Variants in TENM3 observed in about 807,000 individuals in gnomAD.
TENM3 encodes teneurin-3.
TENM3 carries 63 observed loss-of-function variants against 255.1 expected under a neutral mutation model. The observed-to-expected ratio is 0.25, with a 90% CI of 0.20 to 0.30. The LOEUF is 0.30. Among genes scored for constraint, TENM3 ranks in the 10% least tolerant of loss-of-function variants. The pLI, the probability that TENM3 is intolerant of heterozygous loss-of-function variation, is 1.00. For synonymous variants in TENM3, 1,306 were observed against 1,322.3 expected (o/e 0.99, Z 0.27); for missense variants, 2,929 against 3,461.1 (o/e 0.85, Z 3.86).
At chr4:181,888,492 G>GTGTATA in the TENM3 span, among the ~76,000 whole-genome samples, 3 of 15,798 alleles carry the variant, frequency 1.9e-4, no homozygotes, top group African/African-American at 5.8e-4. Flanking sequence ...CAATAGAAAT[G>GTGTATA]TGTATATATA....
At chr4:182,092,364 C>A in the TENM3 span, among the ~76,000 whole-genome samples, 2 of 151,376 alleles carry the variant, frequency 1.3e-5, no homozygotes, top group East Asian at 3.9e-4. Flanking sequence ...AAACAAACTA[C>A]AGGGCAGGCA....
At chr4:182,210,867 G>A (rs1467134940) in intron 1 of TENM3, among the ~76,000 whole-genome samples, 2 of 152,178 alleles carry the variant, frequency 1.3e-5, no homozygotes, top group Non-Finnish European at 2.9e-5. Context: ...GTAGACCGGT[G>A]TGTATCACAG....
chr4:181,543,661 T>C, the TENM3 span, among the ~76,000 whole-genome samples: 4,921 of 152,236 alleles, frequency 0.032, 196 homozygotes, highest in African/African-American at 0.093. Flanking sequence ...ATCCAACACT[T>C]AGGTGAGTAT....
intron 3 of TENM3, among the ~76,000 whole-genome samples, chr4:182,382,310 AT>A (rs1189920794): frequency 6.6e-6 from 1 of 151,850 alleles, no homozygotes; most frequent in Non-Finnish European, 1.5e-5. Context: ...ATTAAACTAG[AT>A]GGCTGATTCA....
At chr4:181,991,004 G>A in the TENM3 span, among the ~76,000 whole-genome samples, 1 of 152,106 alleles carries the variant, frequency 6.6e-6, no homozygotes, top group Admixed American at 6.6e-5. Context: ...AGGATATTCA[G>A]CAAATTTTAA....
At chr4:182,791,978 A>C (rs1377345338) in intron 25 of TENM3, among the ~76,000 whole-genome samples, 1 of 152,190 alleles carries the variant, frequency 6.6e-6, no homozygotes, top group African/African-American at 2.4e-5. Flanking sequence ...TATTATGACT[A>C]ATCCAGATCC....
At chr4:181,454,459 T>G in the TENM3 span, among the ~76,000 whole-genome samples, 1 of 152,146 alleles carries the variant, frequency 6.6e-6, no homozygotes, top group Non-Finnish European at 1.5e-5. Flanking sequence ...GTAGCCTAAG[T>G]GTACAATGTT....
At chr4:181,809,749 G>A in the TENM3 span, among the ~76,000 whole-genome samples, 15 of 152,180 alleles carry the variant, frequency 9.9e-5, no homozygotes, top group Admixed American at 1.3e-4. Flanking sequence ...TTATCTGGGC[G>A]GCCCACTGTA....
chr4:182,132,488 T>C, the TENM3 span, among the ~76,000 whole-genome samples: 1 of 151,100 alleles, frequency 6.6e-6, no homozygotes, highest in Non-Finnish European at 1.5e-5. Flanking sequence ...AGAATCTGTC[T>C]CAAAAAAAAA....
At chr4:181,862,418 T>A in the TENM3 span, among the ~76,000 whole-genome samples, 1 of 152,120 alleles carries the variant, frequency 6.6e-6, no homozygotes, top group African/African-American at 2.4e-5. Flanking sequence ...TAAAATATAT[T>A]TTCAATTTCC....
At chr4:181,606,930 C>A in the TENM3 span, among the ~76,000 whole-genome samples, 7 of 152,234 alleles carry the variant, frequency 4.6e-5, no homozygotes, top group South Asian at 1.5e-3. Flanking sequence ...TCCACTTACA[C>A]CGCTTGGCTG....
intron 1 of TENM3, among the ~76,000 whole-genome samples, chr4:182,168,855 C>T (rs143328025): frequency 6.6e-6 from 1 of 152,032 alleles, no homozygotes; most frequent in African/African-American, 2.4e-5. Context: ...GGCCATTTTT[C>T]ATTTATATCT....
At chr4:182,501,683 C>T (rs1398433227) in intron 3 of TENM3, among the ~76,000 whole-genome samples, 1 of 152,088 alleles carries the variant, frequency 6.6e-6, no homozygotes, top group Admixed American at 6.6e-5. Flanking sequence ...CTTAATGTTT[C>T]ATTTTAAATA....
the TENM3 span, among the ~76,000 whole-genome samples, chr4:182,008,260 A>G: frequency 2.6e-5 from 4 of 151,072 alleles, no homozygotes; most frequent in Admixed American, 6.6e-5. Context: ...TGAATTTGCA[A>G]AATTTCCTGA....
the TENM3 span, among the ~76,000 whole-genome samples, chr4:181,721,108 TA>T: frequency 2.5e-3 from 333 of 132,020 alleles, no homozygotes; most frequent in African/African-American, 5.7e-3. Context: ...ATACCAAGGG[TA>T]AAAAAAAAAA....
chr4:182,612,818 G>A (rs1485517945), intron 4 of TENM3, among the ~76,000 whole-genome samples: 9 of 152,068 alleles, frequency 5.9e-5, no homozygotes, highest in Admixed American at 5.9e-4. Context: ...TTGGCACATG[G>A]CAAATAGTTG....
the TENM3 span, among the ~76,000 whole-genome samples, chr4:181,556,366 T>A: frequency 6.6e-6 from 1 of 152,094 alleles, no homozygotes; most frequent in Non-Finnish European, 1.5e-5. Flanking sequence ...TTTGTGGGGT[T>A]TTTTTCTAAA....
the TENM3 span, among the ~76,000 whole-genome samples, chr4:181,588,112 G>A: frequency 1.3e-5 from 2 of 152,128 alleles, no homozygotes; most frequent in African/African-American, 4.8e-5. Flanking sequence ...TGCCAGACAT[G>A]CCAAGTTGCC....
the TENM3 span, among the ~76,000 whole-genome samples, chr4:181,693,819 A>G: frequency 6.6e-6 from 1 of 152,170 alleles, no homozygotes; most frequent in Admixed American, 6.5e-5. Context: ...ATAGCCTTGC[A>G]TGTAATGGGC....
Sources: allele counts gnomAD v4.1 joint callset (sites outside exome capture counted in the v4.1 genomes callset), GRCh38; gene constraint gnomAD v4.1.1; transcripts MANE v1.5; gene names NCBI Gene and HGNC (gene_info 2026-07-23, HGNC 2026-07-21).